Variants in PAK2 observed in about 807,000 individuals in gnomAD.
PAK2 encodes the protein p21 (RAC1) activated kinase 2, also known as serine/threonine-protein kinase PAK 2.
Under a neutral mutation model 65.9 loss-of-function variants are expected in PAK2, and 21 were observed. The ratio of observed to expected loss-of-function variants is 0.32; its 90% CI spans 0.23 to 0.46. PAK2 has a LOEUF of 0.46. Among genes scored for constraint, PAK2 ranks in the 20% least tolerant of loss-of-function variants. PAK2 has a pLI of 1.00. For synonymous variants in PAK2, 204 were observed against 219.7 expected (o/e 0.93, Z 0.63); for missense variants, 324 against 642.6 (o/e 0.50, Z 5.36).
intron 7 of PAK2, among the ~76,000 whole-genome samples, chr3:196,809,579 G>A (rs1715707730): frequency 6.7e-6 from 1 of 150,290 alleles, no homozygotes; most frequent in South Asian, 2.1e-4. Context: ...CCTGACCTCA[G>A]GCATGAGTCA....
intron 1 of PAK2, among the ~76,000 whole-genome samples, chr3:196,763,566 A>G (rs891246927): frequency 2.6e-5 from 4 of 152,136 alleles, no homozygotes; most frequent in African/African-American, 9.6e-5. Context: ...GAATGGTATT[A>G]ACTGCTGCGG....
intron 12 of PAK2, among the ~76,000 whole-genome samples, chr3:196,819,725 A>G (rs1037619004): frequency 1.3e-5 from 2 of 152,220 alleles, no homozygotes; most frequent in African/African-American, 4.8e-5. Context: ...TGAGTACTAC[A>G]CTAGGCATCC....
Position 196,820,265 on chromosome 3 carries a change from CAA to C in PAK2, c.1154-105_1154-104del, listed in dbSNP as rs1461514636. On this transcript the variant is annotated intron_variant, in intron 12 of 14. Coordinates refer to ENST00000327134, the MANE Select transcript of PAK2 (RefSeq NM_002577.4). This position sits in a 1 kb window ranked among gnomAD's most constrained non-coding sequence, Gnocchi z 4.6. ...ACTTTATTAATGAAATCTTTAAAAA[CAA>C]GAGGCCTAATAGTCAAAATATAATT... 2 of 508,940 alleles carry C rather than the reference CAA, an allele frequency of 3.9e-6. No individual in the cohort carries two copies. Among genetic ancestry groups the C allele is most frequent in the Non-Finnish European group, 6.6e-6 (2 of 303,144 alleles). The allele number at this position is 508,940 out of a possible 1,614,324, so 31.5% of individuals were successfully genotyped here.
rs191106778 is a variant in PAK2 at position 196,794,549 on chromosome 3, C to T, written c.188-7378C>T. ...CAGGAAAAAGTGAGATTGAAGAAGA[C>T]AGCCACCTTCTCCACCATCTTGGGT... On this transcript the variant is annotated intron_variant, in intron 2 of 14. Coordinates refer to ENST00000327134, the MANE Select transcript of PAK2 (RefSeq NM_002577.4). Among the ~76,000 whole-genome samples, 420 of 152,352 alleles carry T rather than the reference C, an allele frequency of 2.8e-3. 2 individuals carry two copies. The Middle Eastern group carries it at 0.031, about 11-fold the overall frequency.
intron 4 of PAK2, among the ~76,000 whole-genome samples, chr3:196,804,470 T>C (rs996156686): frequency 2.0e-5 from 3 of 151,760 alleles, no homozygotes; most frequent in African/African-American, 7.3e-5. Context: ...TGCGTGTGTG[T>C]GTTTTGTTTT....
chr3:196,797,641 A>T (rs1190090624), intron 2 of PAK2, among the ~76,000 whole-genome samples: 1 of 151,872 alleles, frequency 6.6e-6, no homozygotes, highest in Non-Finnish European at 1.5e-5. Flanking sequence ...AATCCCAGCT[A>T]CTTGGGAGGC....
At chr3:196,765,255 C>T (rs973024924) in intron 1 of PAK2, among the ~76,000 whole-genome samples, 7 of 150,150 alleles carry the variant, frequency 4.7e-5, no homozygotes, top group African/African-American at 1.7e-4. Context: ...TCAAGCGATT[C>T]TCTTGCCTCA....
At chr3:196,787,771 C>T (rs1012773962) in intron 2 of PAK2, among the ~76,000 whole-genome samples, 6 of 152,128 alleles carry the variant, frequency 3.9e-5, no homozygotes, top group Admixed American at 2.0e-4. Context: ...TAGGATGCTT[C>T]TTGATTCCTC....
At chr3:196,779,390 C>T (rs1256955860) in intron 1 of PAK2, among the ~76,000 whole-genome samples, 3 of 152,194 alleles carry the variant, frequency 2.0e-5, no homozygotes, top group Non-Finnish European at 4.4e-5. Context: ...GCTCTGGGCT[C>T]ATCTTCCATT....
intron 14 of PAK2, 123 bp downstream of exon 14, chr3:196,827,456 T>A: frequency 6.7e-7 from 1 of 1,498,358 alleles, no homozygotes. Flanking sequence ...TGGCAGCTGC[T>A]GCAATTTAGG....
At chr3:196,780,193 A>C (rs1162099346) in intron 1 of PAK2, among the ~76,000 whole-genome samples, 3 of 152,264 alleles carry the variant, frequency 2.0e-5, no homozygotes, top group African/African-American at 7.2e-5. Context: ...CTTAGACCAG[A>C]CAGCCTTTTG....
chr3:196,806,790 G>T, intron 6 of PAK2, 104 bp downstream of exon 6: 1 of 696,476 alleles, frequency 1.4e-6, no homozygotes, highest in Non-Finnish European at 2.6e-6. Context: ...AAGCCCTCAA[G>T]TTTAAAATCG....
chr3:196,825,226 C>G (rs74878481), intron 13 of PAK2, among the ~76,000 whole-genome samples: 2 of 126,512 alleles, frequency 1.6e-5, no homozygotes, highest in South Asian at 2.3e-4. Context: ...CATGCCTGTA[C>G]TCCCAGCTAC....
At chr3:196,797,618 C>T (rs1307069157) in intron 2 of PAK2, among the ~76,000 whole-genome samples, 1 of 150,926 alleles carries the variant, frequency 6.6e-6, no homozygotes, top group Non-Finnish European at 1.5e-5. Context: ...CAGGCGTGGT[C>T]GTGGGCACCT....
Position 196,810,676 on chromosome 3 carries a change from C to T in PAK2, c.773+23C>T, listed in dbSNP as rs368466467. On this transcript the variant is annotated intron_variant, in intron 8 of 14. Transcript: ENST00000327134. ...AGGGTAAGTATTTGTGACTGTATTA[C>T]GATAATATTCAGTATTCAGTATTTC... The T allele has an allele frequency of 8.6e-5, 97 of 1,127,656 alleles. 1 individual carries two copies. In the African/African-American group the frequency reaches 9.3e-4, roughly 11 times the overall value. 69.9% of individuals were successfully genotyped at this position (1,127,656 alleles called of 1,614,324 possible).
chr3:196,758,563 C>T (rs1335664262), intron 1 of PAK2, among the ~76,000 whole-genome samples: 1 of 152,178 alleles, frequency 6.6e-6, no homozygotes, highest in African/African-American at 2.4e-5. Flanking sequence ...AGACAGGAGC[C>T]TGATGATGCA....
chr3:196,801,449 C>A (rs1045012908), intron 2 of PAK2, among the ~76,000 whole-genome samples: 2 of 152,138 alleles, frequency 1.3e-5, no homozygotes, highest in African/African-American at 2.4e-5. Context: ...TTACTAGTTT[C>A]CTATCAGCCA....
chr3:196,778,133 A>G (rs1165328478), intron 1 of PAK2, among the ~76,000 whole-genome samples: 2 of 152,126 alleles, frequency 1.3e-5, no homozygotes, highest in Admixed American at 6.6e-5. Flanking sequence ...TGTTCCGGAC[A>G]TTTCATATGA....
In PAK2 at chr3:196,782,805, C is replaced by G; in HGVS notation, c.159C>G (p.Ile53Met). The stretch of plus-strand genomic sequence containing the variant: ...AAGAGAAAAAGCCCAGGCATAAAAT[C>G]ATCTCCATATTCTCAGGCACAGAGA... Reference protein sequence around the residue: ...VPEEKKPRHKIISIFSGTEKG... With the variant: ...VPEEKKPRHKMISIFSGTEKG... Residue 53 changes from isoleucine to methionine, a missense_variant, in exon 2 of 15, where the codon ATC (isoleucine) becomes ATG (methionine). Physicochemically the swap from Ile to Met is conservative, Grantham distance 10. Around this residue, in one of 5 missense-constraint regions of PAK2, gnomAD observed 42 missense variants for 67.4 expected, o/e 0.62. Transcript: ENST00000327134. 1 of 1,612,766 alleles carries G rather than the reference C, an allele frequency of 6.2e-7. No individual in the cohort carries two copies. The highest frequency in any genetic ancestry group is 8.5e-7 in the Non-Finnish European group (1 of 1,179,306).
Sources: gnomAD v4.1 joint callset for allele counts (sites outside exome capture counted in the v4.1 genomes callset) on GRCh38, gnomAD v4.1.1 for gene constraint, gnomAD v4.1.1 regional missense constraint, Gnocchi (gnomAD v3.1) non-coding constraint, MANE v1.5 for transcripts, NCBI Gene and HGNC (gene_info 2026-07-23, HGNC 2026-07-21) for gene names.